Variants in UMODL1 observed in about 807,000 individuals in gnomAD.
The protein encoded by UMODL1 is uromodulin like 1, also known as uromodulin-like 1.
In UMODL1, 128 loss-of-function variants were observed where a neutral mutation model predicts 136.3. The ratio of observed to expected loss-of-function variants is 0.94; its 90% CI spans 0.81 to 1.09. UMODL1 has a LOEUF of 1.09. Among genes scored for constraint, UMODL1 ranks in the 50% least tolerant of loss-of-function variants. The pLI is 0.00. For missense variants in UMODL1, 1,766 were observed against 1,725.6 expected (o/e 1.02, Z -0.41); for synonymous variants, 721 against 720.0 (o/e 1.00, Z -0.02).
chr21:42,091,906 G>C (rs1389706662), intron 6 of UMODL1, among the ~76,000 whole-genome samples: 3 of 152,238 alleles, frequency 2.0e-5, no homozygotes, highest in African/African-American at 7.2e-5. Context: ...CCTGGGGCCT[G>C]TGGCCAGAGA....
intron 22 of UMODL1, among the ~76,000 whole-genome samples, chr21:42,138,039 C>T (rs920456249): frequency 6.6e-5 from 10 of 152,174 alleles, no homozygotes; most frequent in East Asian, 5.8e-4. Context: ...ACTGGCTCCA[C>T]GATACCAGCG....
Position 42,076,229 on chromosome 21 carries a change from G to T in UMODL1, c.301G>T (p.Gly101Cys). The T allele has an allele frequency of 6.2e-7, 1 of 1,614,222 alleles. No individual in the cohort carries two copies. The highest frequency in any genetic ancestry group is 8.5e-7 in the Non-Finnish European group (1 of 1,180,040). The part of the protein sequence containing the change: ...TDCCEGYEQL[G>C]LYCVLPLNQS... The stretch of plus-strand genomic sequence containing the variant: ...CTGCTGTGAGGGCTATGAACAGCTC[G>T]GCCTCTACTGTGTCTTGCGTGAGTC... Residue 101 changes from glycine to cysteine, a missense_variant, in exon 2 of 23, where the codon GGC becomes TGC. Transcript: ENST00000408910.
At chr21:42,091,379 C>G (rs565280762) in intron 6 of UMODL1, among the ~76,000 whole-genome samples, 4 of 152,200 alleles carry the variant, frequency 2.6e-5, no homozygotes, top group Admixed American at 1.3e-4. Flanking sequence ...TGTAGATAAA[C>G]GTGCCCAGGT....
Position 42,097,964 on chromosome 21 carries a change from G to GC in UMODL1, c.932-961dup, listed in dbSNP as rs745840187. On this transcript the variant is annotated intron_variant, in intron 6 of 22. Transcript: ENST00000408910. The stretch of plus-strand genomic sequence containing the variant: ...AAGCTCAGCCTGATTTCTGAGTCCG[G>GC]CTTCCTGATGAGGCCATTGTTTATG... 1.1e-4 allele frequency among the ~76,000 whole-genome samples: 17 copies of GC among 152,288 alleles called. 3 individuals carry two copies. The highest frequency in any genetic ancestry group is 3.9e-4 in the East Asian group (2 of 5,192).
chr21:42,090,222 C>A (rs185670400), intron 5 of UMODL1, 76 bp from the exon 6 acceptor site: 1 of 1,589,530 alleles, frequency 6.3e-7, no homozygotes, highest in East Asian at 2.3e-5. Flanking sequence ...CCACAGAGGC[C>A]GTGTGTGTGC....
Position 42,122,486 on chromosome 21 carries a change from G to A in UMODL1, c.2828-345G>A, listed in dbSNP as rs549579068. 6.6e-6 allele frequency among the ~76,000 whole-genome samples: 1 copy of A among 152,206 alleles called. No homozygotes were observed. Among genetic ancestry groups the A allele is most frequent in the Admixed American group, 6.5e-5 (1 of 15,290 alleles). ...CAGGTCCCTCGGTCCTTGGCCCTCGGGGGCCCATGGTGAGCCTGGATCCCT... is the reference window on the plus strand; with the variant it reads ...CAGGTCCCTCGGTCCTTGGCCCTCGAGGGCCCATGGTGAGCCTGGATCCCT... On this transcript the variant is annotated intron_variant, in intron 16 of 22. Transcript: ENST00000408910. This position sits in a 1 kb window ranked among gnomAD's most constrained non-coding sequence, Gnocchi z 4.3.
chr21:42,126,666 G>A (rs2067059806), intron 18 of UMODL1, among the ~76,000 whole-genome samples, 176 bp downstream of exon 18: 1 of 152,224 alleles, frequency 6.6e-6, no homozygotes, highest in Admixed American at 6.5e-5. Context: ...GGGCTAGCCA[G>A]AGAAGGCCAA....
chr21:42,128,553 G>A (rs1050495506), intron 20 of UMODL1, among the ~76,000 whole-genome samples: 1 of 152,174 alleles, frequency 6.6e-6, no homozygotes, highest in Non-Finnish European at 1.5e-5. Flanking sequence ...CGTGGATAGA[G>A]AAGCAACACA....
upstream of UMODL1, among the ~76,000 whole-genome samples, chr21:42,068,643 T>A (rs1005695147): frequency 2.4e-4 from 36 of 152,336 alleles, no homozygotes; most frequent in Admixed American, 5.9e-4. This position sits in a 1 kb window ranked among gnomAD's most constrained non-coding sequence, Gnocchi z 5.5. Flanking sequence ...TTACCATGCA[T>A]GCCCATATAC....
Position 42,115,914 on chromosome 21 carries a change from A to G in UMODL1, c.2404A>G (p.Arg802Gly). The change falls in exon 14 of 23, where the codon AGG becomes GGG. Residue 802 changes from arginine to glycine, a missense_variant. Coordinates refer to ENST00000408910, the MANE Select transcript of UMODL1 (RefSeq NM_001004416.3). ...TGGAAAGGTCAGAATCAAAAATGTC[A>G]GGTACTCAGAATCCTTTCGCAACGC... The part of the protein sequence containing the change: ...LIGKVRIKNV[R>G]YSESFRNASS... 1 of 1,614,108 alleles carries G rather than the reference A, an allele frequency of 6.2e-7. No homozygotes were observed. The highest frequency in any genetic ancestry group is 8.5e-7 in the Non-Finnish European group (1 of 1,180,012).
rs1186149356 is a variant in UMODL1 at position 42,123,306 on chromosome 21, C to T, written c.3147+156C>T. ...CAGGGTTGAGTTCTCAACCAGGGAC[C>T]AGCCTGCACCCCAGAATCGGAAGGG... On this transcript the variant is annotated intron_variant, in intron 17 of 22. Transcript: ENST00000408910. This position sits in a 1 kb window ranked among gnomAD's most constrained non-coding sequence, Gnocchi z 4.4. Among the ~76,000 whole-genome samples the T allele has an allele frequency of 1.3e-5, 2 of 152,206 alleles. No individual in the cohort carries two copies. The highest frequency in any genetic ancestry group is 4.8e-5 in the African/African-American group (2 of 41,442).
chr21:42,112,624 CTGTTCTGCACCTCCATAGG>C (rs1293210959), intron 12 of UMODL1, among the ~76,000 whole-genome samples: 1 of 151,492 alleles, frequency 6.6e-6, no homozygotes, highest in African/African-American at 2.4e-5. Context: ...TATCTCCCCA[CTGTTCTGCACCTCCATAGG>C]TGTTCTGCAC....
intron 6 of UMODL1, among the ~76,000 whole-genome samples, chr21:42,093,173 G>A (rs1032837602): frequency 6.6e-6 from 1 of 152,198 alleles, no homozygotes; most frequent in Non-Finnish European, 1.5e-5. Flanking sequence ...CTAGGAAAAG[G>A]AGTCTAAGGT....
rs80040922 is a variant in UMODL1, at chr21:42,127,055, G to A, written c.3343G>A (p.Glu1115Lys). 78,741 of 1,614,066 alleles carry A rather than the reference G, an allele frequency of 0.049. 2,928 individuals are homozygous for A. Among genetic ancestry groups the A allele is most frequent in the East Asian group, 0.23 (10,137 of 44,862 alleles). ...CCACGGCGCTGGGAATTTTGTTACC[G>A]AAATGCAGTTGTTTATCGGAGACTC... Reference protein sequence around the residue: ...DLHGAGNFVTEMQLFIGDSPI... With the variant: ...DLHGAGNFVTKMQLFIGDSPI... Residue 1115 changes from glutamate to lysine, a missense_variant, in exon 19 of 23, where the codon GAA (glutamate) becomes AAA (lysine). Coordinates refer to ENST00000408910, the MANE Select transcript of UMODL1 (RefSeq NM_001004416.3).
chr21:42,117,566 T>C (rs191538842), intron 14 of UMODL1, among the ~76,000 whole-genome samples: 69 of 152,280 alleles, frequency 4.5e-4, no homozygotes, highest in African/African-American at 1.6e-3. Flanking sequence ...GAATCTCACA[T>C]TGTAGATTTC....
intron 12 of UMODL1, among the ~76,000 whole-genome samples, chr21:42,113,345 A>G (rs1218497469): frequency 1.3e-5 from 2 of 151,914 alleles, no homozygotes; most frequent in Non-Finnish European, 2.9e-5. Flanking sequence ...ACAAAACAAA[A>G]TCAGAAGCCA....
upstream of UMODL1, among the ~76,000 whole-genome samples, chr21:42,070,846 C>G (rs146530347): frequency 6.1e-4 from 93 of 152,338 alleles, no homozygotes; most frequent in Middle Eastern, 0.02. Flanking sequence ...CATTGTGGAA[C>G]CGTGTGAAGG....
chr21:42,130,016 C>T (rs577706624), intron 21 of UMODL1, among the ~76,000 whole-genome samples: 11 of 152,312 alleles, frequency 7.2e-5, no homozygotes, highest in African/African-American at 2.2e-4. Context: ...ATATGCTCCT[C>T]TCAGCAACCC....
At position 42,122,874 on chromosome 21, in the gene UMODL1, G is replaced by A; in HGVS notation, c.2871G>A (p.Arg957=). The A allele has an allele frequency of 6.2e-7, 1 of 1,609,444 alleles. No homozygotes were observed. The highest frequency in any genetic ancestry group is 8.5e-7 in the Non-Finnish European group (1 of 1,176,492). ...GNETWATSPE[R]PLTTAGTKAA... ...AAACCTGGGCCACCAGCCCAGAGAGGCCTCTCACCACAGCAGGGACCAAGG... is the reference window on the plus strand; with the variant it reads ...AAACCTGGGCCACCAGCCCAGAGAGACCTCTCACCACAGCAGGGACCAAGG... Residue 957 remains arginine (R), a synonymous_variant, in exon 17 of 23, where the codon AGG becomes AGA. Coordinates refer to ENST00000408910, the MANE Select transcript of UMODL1 (RefSeq NM_001004416.3). This position sits in a 1 kb window ranked among gnomAD's most constrained non-coding sequence, Gnocchi z 4.3.
Sources: allele counts gnomAD v4.1 joint callset (sites outside exome capture counted in the v4.1 genomes callset), GRCh38; gene constraint gnomAD v4.1.1; non-coding constraint Gnocchi (gnomAD v3.1); transcripts MANE v1.5; gene names NCBI Gene and HGNC (gene_info 2026-07-23, HGNC 2026-07-21).